ABTB3: variants seen among roughly 807,000 people sequenced by gnomAD.
ABTB3 encodes ankyrin repeat- and BTB/POZ domain-containing protein 3.
At chr12:107,438,108 A>AT in the ABTB3 span, among the ~76,000 whole-genome samples, 1 of 152,130 alleles carries the variant, frequency 6.6e-6, no homozygotes, top group African/African-American at 2.4e-5. Context: ...CGGGGCCCAG[A>AT]TCAGCTCTAA....
chr12:107,485,242 T>A, the ABTB3 span, among the ~76,000 whole-genome samples: 1 of 152,146 alleles, frequency 6.6e-6, no homozygotes, highest in Non-Finnish European at 1.5e-5. Flanking sequence ...TCTTGTTGAT[T>A]CCTCAGTTTT....
chr12:107,650,642 G>A, the ABTB3 span: 5 of 152,210 alleles, frequency 3.3e-5, no homozygotes, highest in African/African-American at 1.2e-4. Context: ...CCATTCTCCT[G>A]CCTCGGCCTC....
At chr12:107,619,488 G>A in the ABTB3 span, among the ~76,000 whole-genome samples, 1 of 152,106 alleles carries the variant, frequency 6.6e-6, no homozygotes, top group South Asian at 2.1e-4. Flanking sequence ...TCCACCAATG[G>A]GTTTCACCAA....
the ABTB3 span, among the ~76,000 whole-genome samples, chr12:107,379,865 A>C: frequency 0.028 from 4,240 of 152,334 alleles, 94 homozygotes; most frequent in Middle Eastern, 0.078. Flanking sequence ...TCCTTGCTCC[A>C]TGTCCTTGGA....
chr12:107,657,467 C>A, the ABTB3 span: 2 of 1,558,440 alleles, frequency 1.3e-6, no homozygotes, highest in African/African-American at 1.4e-5. Context: ...AGGTGCTTTT[C>A]GGAAGCGTAA....
the ABTB3 span, among the ~76,000 whole-genome samples, chr12:107,621,005 G>A: frequency 6.6e-6 from 1 of 152,168 alleles, no homozygotes; most frequent in Admixed American, 6.5e-5. Flanking sequence ...CCAAAGGGCA[G>A]TGTGGGTCCC....
chr12:107,479,291 C>T, the ABTB3 span, among the ~76,000 whole-genome samples: 1 of 152,070 alleles, frequency 6.6e-6, no homozygotes, highest in Non-Finnish European at 1.5e-5. Context: ...CTTGGTGTCT[C>T]TCTTCTAAGA....
chr12:107,404,555 G>A, the ABTB3 span, among the ~76,000 whole-genome samples: 3 of 152,154 alleles, frequency 2.0e-5, no homozygotes, highest in Admixed American at 6.5e-5. Flanking sequence ...CTTTGAAAGC[G>A]ACTCCGAAAA....
chr12:107,560,527 A>G, the ABTB3 span, among the ~76,000 whole-genome samples: 1 of 152,178 alleles, frequency 6.6e-6, no homozygotes, highest in Non-Finnish European at 1.5e-5. Context: ...AATCTCTTGG[A>G]GTGAGCACTT....
chr12:107,502,410 C>G, the ABTB3 span, among the ~76,000 whole-genome samples: 8 of 152,050 alleles, frequency 5.3e-5, no homozygotes, highest in African/African-American at 1.9e-4. Context: ...TATTCTCATG[C>G]ATCCTTAATG....
chr12:107,469,998 T>TCTCTCTCTCTCTC, the ABTB3 span, among the ~76,000 whole-genome samples: 3 of 61,290 alleles, frequency 4.9e-5, no homozygotes, highest in Admixed American at 1.5e-4. Context: ...CTTTCTTTCT[T>TCTCTCTCTCTCTC]TCTTTCTTTC....
chr12:107,503,027 C>T, the ABTB3 span, among the ~76,000 whole-genome samples: 6 of 152,124 alleles, frequency 3.9e-5, no homozygotes, highest in African/African-American at 1.4e-4. Flanking sequence ...CTTACAGTTC[C>T]CAAGAGGAGG....
chr12:107,448,641 C>CTTT, the ABTB3 span, among the ~76,000 whole-genome samples: 1 of 147,752 alleles, frequency 6.8e-6, no homozygotes, highest in Non-Finnish European at 1.5e-5. Flanking sequence ...TTCTTTCTTT[C>CTTT]TTTCTTTTTT....
At chr12:107,519,375 T>TGTGGTA in the ABTB3 span, among the ~76,000 whole-genome samples, 1 of 148,696 alleles carries the variant, frequency 6.7e-6, no homozygotes, top group Non-Finnish European at 1.5e-5. Context: ...TAGGCTGGAG[T>TGTGGTA]GTGGTAGCAC....
At chr12:107,476,527 T>G in the ABTB3 span, among the ~76,000 whole-genome samples, 3 of 151,914 alleles carry the variant, frequency 2.0e-5, no homozygotes, top group South Asian at 2.1e-4. Context: ...AAGGCAGAAA[T>G]GTAGTAAGTA....
chr12:107,657,722 G>T, the ABTB3 span: 1 of 1,613,756 alleles, frequency 6.2e-7, no homozygotes, highest in Non-Finnish European at 8.5e-7. Context: ...GGTATGAAAC[G>T]CCTAGTGCAG....
the ABTB3 span, among the ~76,000 whole-genome samples, chr12:107,553,721 T>C: frequency 6.6e-6 from 1 of 152,122 alleles, no homozygotes; most frequent in Non-Finnish European, 1.5e-5. Context: ...GGCAGATCAC[T>C]TGAGGGCAGG....
chr12:107,393,135 G>A, the ABTB3 span, among the ~76,000 whole-genome samples: 1 of 152,182 alleles, frequency 6.6e-6, no homozygotes, highest in Non-Finnish European at 1.5e-5. Context: ...CTCAGGAAAC[G>A]CTTCCTTGAG....
the ABTB3 span, among the ~76,000 whole-genome samples, chr12:107,633,292 C>T: frequency 6.6e-6 from 1 of 152,134 alleles, no homozygotes; most frequent in African/African-American, 2.4e-5. Flanking sequence ...TGGGCCCTCA[C>T]CAAACACCGA....
Sources: allele counts gnomAD v4.1 joint callset (sites outside exome capture counted in the v4.1 genomes callset), GRCh38; gene constraint gnomAD v4.1.1; transcripts MANE v1.5; gene names NCBI Gene and HGNC (gene_info 2026-07-23, HGNC 2026-07-21).